Variants in EPS15 observed in about 807,000 individuals in gnomAD.
EPS15 encodes the protein epidermal growth factor receptor substrate 15.
In EPS15, 72 loss-of-function variants were observed where a neutral mutation model predicts 113.8. The observed-to-expected ratio is 0.63, with a 90% CI of 0.52 to 0.77. The LOEUF (loss-of-function observed/expected upper bound fraction) is 0.77. Ranked by LOEUF, EPS15 falls within the 30% of genes least tolerant of loss-of-function variation. The pLI is 0.00. For missense variants in EPS15, 1,048 were observed against 1,045.8 expected, an observed-to-expected ratio of 1.00 and a Z score of -0.03; for synonymous variants, 344 against 363.4, an observed-to-expected ratio of 0.95 and a Z score of 0.61.
rs141944161 is a variant in EPS15, at chr1:51,372,304, C to T, written c.2120-6275G>A. 1.4e-4 allele frequency: 73 copies of T among 515,954 alleles called. No homozygotes were observed. The East Asian group carries it at 3.0e-3, about 22-fold the overall frequency. 32.0% of individuals were successfully genotyped at this position (515,954 alleles called of 1,614,324 possible). ...GTGCAGAAGGCAGTGGTCCACCTTC[C>T]GGTGCTGCTCAGTGTGGTGGATCAT... On this transcript the variant is annotated intron_variant, in intron 21 of 24. Transcript: ENST00000371733.
chr1:51,463,385 C>T, intron 7 of EPS15: 1 of 202,784 alleles, frequency 4.9e-6, no homozygotes, highest in South Asian at 1.6e-4. Flanking sequence ...GAAATTAACT[C>T]AAGCAAATAG....
chr1:51,479,970 T>G (rs561213332), intron 2 of EPS15, among the ~76,000 whole-genome samples: 1 of 152,194 alleles, frequency 6.6e-6, no homozygotes, highest in South Asian at 2.1e-4. Flanking sequence ...CATATTTATA[T>G]GTAGTGAAGG....
intron 22 of EPS15, among the ~76,000 whole-genome samples, chr1:51,365,186 A>T (rs1646481542): frequency 6.6e-6 from 1 of 152,206 alleles, no homozygotes; most frequent in Non-Finnish European, 1.5e-5. Context: ...GTAACAAAAG[A>T]TTAACTTTTC....
At chr1:51,401,867 G>C in intron 18 of EPS15, among the ~76,000 whole-genome samples, 1 of 152,112 alleles carries the variant, frequency 6.6e-6, no homozygotes, top group East Asian at 1.9e-4. Flanking sequence ...GGCCAGACGC[G>C]GTGGCTCACG....
At chr1:51,470,000 T>TAG (rs894376568) in intron 4 of EPS15, among the ~76,000 whole-genome samples, 38 of 152,326 alleles carry the variant, frequency 2.5e-4, no homozygotes, top group African/African-American at 8.9e-4. Context: ...TCTCTTCTGT[T>TAG]GGAGTCAATG....
chr1:51,448,719 C>T (rs974790426), intron 8 of EPS15, among the ~76,000 whole-genome samples: 20 of 151,934 alleles, frequency 1.3e-4, no homozygotes, highest in Non-Finnish European at 2.9e-5. Context: ...GGGAGCTGAG[C>T]GGTAGCATGC....
intron 21 of EPS15, 102 bp from the exon 22 acceptor site, chr1:51,366,131 G>A: frequency 5.6e-6 from 4 of 712,854 alleles, no homozygotes; most frequent in South Asian, 1.9e-5. Context: ...GCAGTGGTAC[G>A]ATCATGGCTC....
intron 21 of EPS15, 114 bp downstream of exon 21, chr1:51,394,267 T>A: frequency 1.7e-6 from 1 of 583,356 alleles, no homozygotes; most frequent in Admixed American, 3.3e-5. Context: ...TGGATATAAT[T>A]ATGCAATAAT....
At chr1:51,429,406 C>T (rs1651505798) in intron 12 of EPS15, among the ~76,000 whole-genome samples, 1 of 150,202 alleles carries the variant, frequency 6.7e-6, no homozygotes, top group East Asian at 1.9e-4. Flanking sequence ...ATTAATGACA[C>T]TGAATTGTAC....
At chr1:51,380,681 A>C (rs956817072) in intron 21 of EPS15, among the ~76,000 whole-genome samples, 1 of 152,204 alleles carries the variant, frequency 6.6e-6, no homozygotes, top group Non-Finnish European at 1.5e-5. Context: ...AATGACAATA[A>C]TAAGTCCTTC....
At chr1:51,465,449 A>G (rs970994520) in intron 5 of EPS15, 123 bp from the exon 6 acceptor site, 4 of 555,676 alleles carry the variant, frequency 7.2e-6, no homozygotes, top group Non-Finnish European at 1.3e-5. Context: ...CACACAGGAC[A>G]CTATTTTACA....
At chr1:51,504,604 A>T (rs1246437293) in intron 1 of EPS15, among the ~76,000 whole-genome samples, 1 of 149,856 alleles carries the variant, frequency 6.7e-6, no homozygotes, top group East Asian at 1.9e-4. Flanking sequence ...CAAAGAATAT[A>T]AATAGACATT....
intron 1 of EPS15, among the ~76,000 whole-genome samples, chr1:51,488,436 G>A (rs1644163703): frequency 8.6e-6 from 1 of 116,076 alleles, no homozygotes; most frequent in Non-Finnish European, 1.8e-5. Context: ...TAAAGTACCT[G>A]TAAACAAGAG....
chr1:51,411,830 C>T (rs1177683140), intron 13 of EPS15, among the ~76,000 whole-genome samples: 1 of 152,090 alleles, frequency 6.6e-6, no homozygotes, highest in Non-Finnish European at 1.5e-5. Context: ...CCAGAAATAC[C>T]ATTTGACCCA....
In EPS15 at chr1:51,469,866, C is replaced by T. The variant is rs565333450; in HGVS notation, c.214-1298G>A. Among the ~76,000 whole-genome samples the T allele has an allele frequency of 4.6e-5, 7 of 151,358 alleles. No individual in the cohort carries two copies. In the South Asian group the frequency reaches 1.3e-3, roughly 27 times the overall value. On this transcript the variant is annotated intron_variant, in intron 4 of 24. Coordinates refer to ENST00000371733, the MANE Select transcript of EPS15 (RefSeq NM_001981.3). ...ATCTCCTAGCTACCAAATAGAATAGCCTTAAAAAAAAAAAAGCCTCATACT... is the reference window on the plus strand; with the variant it reads ...ATCTCCTAGCTACCAAATAGAATAGTCTTAAAAAAAAAAAAGCCTCATACT...
At chr1:51,384,210 G>A (rs1393617890) in intron 21 of EPS15, among the ~76,000 whole-genome samples, 1 of 151,514 alleles carries the variant, frequency 6.6e-6, no homozygotes, top group Non-Finnish European at 1.5e-5. Context: ...TTTTTCTTTT[G>A]GCAGAAATAG....
intron 15 of EPS15, 119 bp from the exon 16 acceptor site, chr1:51,406,227 A>C: frequency 1.3e-6 from 1 of 797,850 alleles, no homozygotes; most frequent in Non-Finnish European, 2.0e-6. Context: ...TATAATCTCA[A>C]CACTTTGGGA....
In EPS15 at chr1:51,406,263, C is replaced by T. The variant is rs146112966; in HGVS notation, c.1474-155G>A. 3.8e-3 allele frequency among the ~76,000 whole-genome samples: 583 copies of T among 152,186 alleles called. 6 individuals carry two copies. Among genetic ancestry groups the T allele is most frequent in the Admixed American group, 0.026 (401 of 15,276 alleles). ...AACTGAGGCAGGAGGACTGCTTCAGCCCAGGAGTTCAAGACCAGCCTGAGC... is the reference window on the plus strand; with the variant it reads ...AACTGAGGCAGGAGGACTGCTTCAGTCCAGGAGTTCAAGACCAGCCTGAGC... On this transcript the variant is annotated intron_variant, in intron 15 of 24. Coordinates refer to ENST00000371733, the MANE Select transcript of EPS15 (RefSeq NM_001981.3).
chr1:51,421,034 C>T (rs1650703278), intron 13 of EPS15, among the ~76,000 whole-genome samples: 1 of 152,122 alleles, frequency 6.6e-6, no homozygotes, highest in Admixed American at 6.6e-5. Context: ...CGGTGCAGCA[C>T]TAAGGAAACA....
Sources: gnomAD v4.1 joint callset for allele counts (sites outside exome capture counted in the v4.1 genomes callset) on GRCh38, gnomAD v4.1.1 for gene constraint, MANE v1.5 for transcripts, NCBI Gene and HGNC (gene_info 2026-07-23, HGNC 2026-07-21) for gene names.